SMCHD1: variants seen among roughly 807,000 people sequenced by gnomAD.
SMCHD1 encodes structural maintenance of chromosomes flexible hinge domain-containing protein 1.
A neutral mutation model predicts 254.7 loss-of-function variants in SMCHD1; 78 were observed. The ratio of observed to expected loss-of-function variants is 0.31; its 90% CI spans 0.26 to 0.37. The LOEUF (loss-of-function observed/expected upper bound fraction) is 0.37, where lower values mean the gene tolerates loss of function less well. Among genes scored for constraint, SMCHD1 ranks in the 10% least tolerant of loss-of-function variants. The pLI is 1.00. For missense variants in SMCHD1, 1,840 were observed against 2,408.1 expected, an observed-to-expected ratio of 0.76 and a Z score of 4.94; for synonymous variants, 766 against 794.9, an observed-to-expected ratio of 0.96 and a Z score of 0.61.
chr18:2,695,873 GTTGT>G (rs1189485966), intron 8 of SMCHD1, among the ~76,000 whole-genome samples: 2 of 152,174 alleles, frequency 1.3e-5, no homozygotes, highest in East Asian at 1.9e-4. Context: ...TCTTGTTGAA[GTTGT>G]TTATTATCCC....
At chr18:2,741,170 A>C (rs1022137339) in intron 28 of SMCHD1, among the ~76,000 whole-genome samples, 1 of 152,192 alleles carries the variant, frequency 6.6e-6, no homozygotes, top group Non-Finnish European at 1.5e-5. Context: ...TGATGTTTAA[A>C]CCCTGTATTA....
chr18:2,711,915 A>G (rs971952413), intron 17 of SMCHD1, among the ~76,000 whole-genome samples: 4 of 152,124 alleles, frequency 2.6e-5, no homozygotes, highest in African/African-American at 7.2e-5. Flanking sequence ...GCTGGTTGTT[A>G]AAAAGAACCT....
At chr18:2,725,684 T>A (rs1301133545) in intron 21 of SMCHD1, among the ~76,000 whole-genome samples, 1 of 151,906 alleles carries the variant, frequency 6.6e-6, no homozygotes, top group Admixed American at 6.6e-5. Context: ...TGTATTTTTT[T>A]CAAGTACTAT....
chr18:2,760,554 C>G, intron 34 of SMCHD1, 98 bp from the exon 35 acceptor site: 1 of 718,474 alleles, frequency 1.4e-6, no homozygotes, highest in Non-Finnish European at 2.5e-6. Context: ...TCTTCCTACT[C>G]ATTTATTTTT....
At chr18:2,687,517 G>A (rs988982704) in intron 5 of SMCHD1, among the ~76,000 whole-genome samples, 2 of 151,920 alleles carry the variant, frequency 1.3e-5, no homozygotes, top group Non-Finnish European at 2.9e-5. Flanking sequence ...TTGGTTTTTG[G>A]TGTTTACAGT....
chr18:2,761,073 C>A (rs2075774662), intron 35 of SMCHD1, among the ~76,000 whole-genome samples: 1 of 152,138 alleles, frequency 6.6e-6, no homozygotes, highest in African/African-American at 2.4e-5. Flanking sequence ...TAATATTTCA[C>A]ACAGCCATAA....
chr18:2,684,790 T>C (rs916355340), intron 5 of SMCHD1, among the ~76,000 whole-genome samples: 7 of 151,524 alleles, frequency 4.6e-5, no homozygotes, highest in African/African-American at 1.7e-4. Flanking sequence ...TACTGGAAAC[T>C]CTAGGATTCA....
At position 2,732,400 on chromosome 18, in the gene SMCHD1, GC is replaced by G; in HGVS notation, c.3185del (p.Ala1062GlyfsTer22). 6.2e-7 allele frequency: 1 copy of G among 1,613,528 alleles called. No individual in the cohort carries two copies. Among genetic ancestry groups the G allele is most frequent in the Non-Finnish European group, 8.5e-7 (1 of 1,179,624 alleles). On this transcript the variant is annotated frameshift_variant, in exon 25 of 48. Coordinates refer to ENST00000320876, the MANE Select transcript of SMCHD1 (RefSeq NM_015295.3). LOFTEE classifies it high-confidence loss of function. Reference protein sequence around the residue: ...IKHQDEVNWIAGDIMHNLIFQ... With the variant: ...IKHQDEVNWIXGDIMHNLIFQ... ...ACATCAGGATGAGGTTAATTGGATA[GC>G]GGGTGATATTATGCATAATCTTATT...
At chr18:2,714,292 T>A (rs547347905) in intron 17 of SMCHD1, among the ~76,000 whole-genome samples, 10 of 152,360 alleles carry the variant, frequency 6.6e-5, no homozygotes, top group African/African-American at 2.4e-4. Context: ...TATCAGCTAC[T>A]CTTGCTCACT....
At chr18:2,752,195 C>G (rs981650525) in intron 33 of SMCHD1, among the ~76,000 whole-genome samples, 1 of 152,120 alleles carries the variant, frequency 6.6e-6, no homozygotes, top group Non-Finnish European at 1.5e-5. Flanking sequence ...TGAATCTTTG[C>G]TTGCTTAATT....
chr18:2,722,390 A>C (rs2074945734), intron 19 of SMCHD1, 129 bp from the exon 20 acceptor site: 1 of 780,182 alleles, frequency 1.3e-6, no homozygotes, highest in Non-Finnish European at 2.0e-6. Context: ...TGATTTTAAA[A>C]TGTTATTTTT....
rs539020724 is a variant in SMCHD1, at chr18:2,772,032, G to C, written c.5053-218G>C. 4.6e-5 allele frequency among the ~76,000 whole-genome samples: 7 copies of C among 152,122 alleles called. No homozygotes were observed. In the East Asian group the frequency reaches 1.4e-3, roughly 29 times the overall value. On this transcript the variant is annotated intron_variant, in intron 40 of 47. Coordinates refer to ENST00000320876, the MANE Select transcript of SMCHD1 (RefSeq NM_015295.3). Reference sequence around the variant, plus strand: ...CTTGGCTAAGATTTTTTTAAATTCAGTGAAGTGGGAACTTTATATTACTAT... The same window carrying C: ...CTTGGCTAAGATTTTTTTAAATTCACTGAAGTGGGAACTTTATATTACTAT...
At chr18:2,723,905 T>C (rs904427305) in intron 20 of SMCHD1, among the ~76,000 whole-genome samples, 4 of 152,102 alleles carry the variant, frequency 2.6e-5, no homozygotes, top group Admixed American at 2.6e-4. Flanking sequence ...TTTTTCTATT[T>C]GTGTTTTACG....
At chr18:2,730,915 T>C (rs2075126029) in intron 24 of SMCHD1, among the ~76,000 whole-genome samples, 1 of 152,226 alleles carries the variant, frequency 6.6e-6, no homozygotes, top group Admixed American at 6.5e-5. Context: ...TGAGCACACT[T>C]TCTTGCAAAA....
At position 2,763,652 on chromosome 18, in the gene SMCHD1, C is replaced by A; in HGVS notation, c.4582C>A (p.His1528Asn). The A allele has an allele frequency of 6.4e-7, 1 of 1,573,988 alleles. No homozygotes were observed. The highest frequency in any genetic ancestry group is 2.1e-5 in the Admixed American group (1 of 48,586). ...TTGTTTTAAGGATGACTACGACAAC[C>A]ATACTGGAATTGATTTGGTTGGCAC... ...HLSITDDYDN[H>N]TGIDLVGTII... Residue 1528 changes from histidine (H) to asparagine (N), a missense_variant, in exon 37 of 48, where the codon CAT becomes AAT. His to Asn is a moderately conservative substitution (Grantham distance 68). Coordinates refer to ENST00000320876, the MANE Select transcript of SMCHD1 (RefSeq NM_015295.3).
At chr18:2,694,408 C>T in intron 7 of SMCHD1, 119 bp from the exon 8 acceptor site, 2 of 890,410 alleles carry the variant, frequency 2.2e-6, no homozygotes, top group Non-Finnish European at 3.3e-6. Context: ...TCCTCCAAAG[C>T]TTTTCTGAAA....
At chr18:2,795,660 G>A (rs1295502427) in intron 45 of SMCHD1, among the ~76,000 whole-genome samples, 1 of 152,184 alleles carries the variant, frequency 6.6e-6, no homozygotes, top group Non-Finnish European at 1.5e-5. Context: ...TATAAACACT[G>A]GCTTGAGAGA....
chr18:2,720,619 TAA>T (rs1371352004), intron 19 of SMCHD1, among the ~76,000 whole-genome samples: 6 of 152,200 alleles, frequency 3.9e-5, no homozygotes, highest in Non-Finnish European at 7.3e-5. Flanking sequence ...AGTCACCTGC[TAA>T]AAGGGTACAA....
intron 34 of SMCHD1, 66 bp downstream of exon 34, chr18:2,752,618 T>TA: frequency 2.0e-6 from 2 of 1,024,330 alleles, no homozygotes; most frequent in Non-Finnish European, 3.0e-6. Flanking sequence ...ACCCTGGAGA[T>TA]ATATGTGGGC....
Sources: allele counts gnomAD v4.1 joint callset (sites outside exome capture counted in the v4.1 genomes callset), GRCh38; gene constraint gnomAD v4.1.1; transcripts MANE v1.5; gene names NCBI Gene and HGNC (gene_info 2026-07-23, HGNC 2026-07-21).